SRPK2: variants seen among roughly 807,000 people sequenced by gnomAD.
SRPK2 encodes the protein SRSF protein kinase 2.
Under a neutral mutation model 90.8 loss-of-function variants are expected in SRPK2, and 21 were observed. The ratio of observed to expected loss-of-function variants is 0.23; its 90% confidence interval spans 0.16 to 0.33. The LOEUF (loss-of-function observed/expected upper bound fraction) is 0.33, where lower values mean the gene tolerates loss of function less well. Among genes scored for constraint, SRPK2 ranks in the 10% least tolerant of loss-of-function variants. The probability of loss-of-function intolerance (pLI) is 1.00; values close to 1 mark genes in which losing one functional copy is unlikely to be tolerated. For synonymous variants in SRPK2, 288 were observed against 311.1 expected (o/e 0.93, Z 0.78); for missense variants, 620 against 869.0 (o/e 0.71, Z 3.60).
At chr7:105,278,076 G>A (rs1157157133) in intron 2 of SRPK2, among the ~76,000 whole-genome samples, 1 of 152,166 alleles carries the variant, frequency 6.6e-6, no homozygotes, top group African/African-American at 2.4e-5. Context: ...AGCACTTTGG[G>A]AGGCTGAGGC....
At chr7:105,175,930 C>T (rs1160727406) in intron 3 of SRPK2, among the ~76,000 whole-genome samples, 2 of 151,946 alleles carry the variant, frequency 1.3e-5, no homozygotes, top group South Asian at 2.1e-4. Context: ...AAAAATACTA[C>T]AAATTCCTCC....
intron 3 of SRPK2, among the ~76,000 whole-genome samples, chr7:105,170,637 T>C (rs1790695076): frequency 6.7e-6 from 1 of 149,138 alleles, no homozygotes. Context: ...GAGGTTACAG[T>C]GAGCCAAGAT....
downstream of SRPK2, chr7:105,115,380 T>A (rs1406332811): frequency 6.6e-6 from 1 of 152,216 alleles, no homozygotes; most frequent in South Asian, 2.1e-4. Context: ...GAAGATCTTA[T>A]ATCCACCTTT....
chr7:105,257,737 A>C (rs1348050759), intron 2 of SRPK2, among the ~76,000 whole-genome samples: 1 of 152,146 alleles, frequency 6.6e-6, no homozygotes, highest in Non-Finnish European at 1.5e-5. Context: ...TTGCTGGTGG[A>C]GACACAAAGA....
chr7:105,389,675 G>C (rs1303310014), upstream of SRPK2, among the ~76,000 whole-genome samples: 1 of 152,164 alleles, frequency 6.6e-6, no homozygotes, highest in Non-Finnish European at 1.5e-5. Flanking sequence ...GTCCCAACGA[G>C]GTTAAAAAGT....
intron 3 of SRPK2, 23 bp downstream of exon 3, chr7:105,203,605 C>T (rs371584727): frequency 1.1e-5 from 16 of 1,464,092 alleles, no homozygotes; most frequent in Non-Finnish European, 1.4e-5. Context: ...GCAAGCCCCA[C>T]ACCACCATGC....
intron 2 of SRPK2, among the ~76,000 whole-genome samples, chr7:105,253,045 A>T (rs914955277): frequency 8.5e-5 from 13 of 152,160 alleles, no homozygotes; most frequent in Non-Finnish European, 1.6e-4. Context: ...GCCCGACCCA[A>T]GTTAGTATCT....
At chr7:105,220,283 A>G (rs1797936358) in intron 2 of SRPK2, among the ~76,000 whole-genome samples, 2 of 152,136 alleles carry the variant, frequency 1.3e-5, no homozygotes, top group Admixed American at 1.3e-4. Flanking sequence ...TCACACCTGT[A>G]ACCGGGAGGC....
At chr7:105,313,979 T>C (rs891329545) in intron 2 of SRPK2, among the ~76,000 whole-genome samples, 8 of 152,094 alleles carry the variant, frequency 5.3e-5, no homozygotes, top group African/African-American at 1.9e-4. Context: ...TAAATTAAAA[T>C]GACATCTATT....
At chr7:105,215,830 G>A (rs1397460657) in intron 2 of SRPK2, among the ~76,000 whole-genome samples, 2 of 152,138 alleles carry the variant, frequency 1.3e-5, no homozygotes, top group African/African-American at 4.8e-5. Flanking sequence ...TAAGGCTGGA[G>A]GGGTACAGAA....
chr7:105,325,551 C>CAA lies in SRPK2; in HGVS notation c.71+63095_71+63096dup, dbSNP rs34722293. Among the ~76,000 whole-genome samples the CAA allele has an allele frequency of 1.4e-4, 10 of 71,500 alleles. No individual in the cohort carries two copies. The South Asian group carries it at 4.0e-3, about 29-fold the overall frequency. The allele number at this position is 71,500 out of a possible 152,430, so 46.9% of individuals were successfully genotyped here. A position where few individuals can be genotyped will look rare whatever the true frequency, so the allele number is the denominator to read the frequency against. On this transcript the variant is annotated intron_variant, in intron 2 of 15. Transcript: ENST00000393651. ...ATCATTTTCCCCTAGTTTCTCAAGG[C>CAA]AAAAAAAAAAAAAAAAAAAAGTTCA...
chr7:105,278,743 GA>G, intron 2 of SRPK2, among the ~76,000 whole-genome samples: 1 of 151,518 alleles, frequency 6.6e-6, no homozygotes, highest in East Asian at 1.9e-4. Flanking sequence ...AAGGAAAGGG[GA>G]AAAGGGGAAG....
chr7:105,226,883 T>G (rs9640686), intron 2 of SRPK2, among the ~76,000 whole-genome samples: 109,503 of 151,748 alleles, frequency 0.72, 40,003 homozygotes, highest in African/African-American at 0.83. Context: ...CAGAGGTTGC[T>G]GTAAGCCGAG....
chr7:105,375,081 TA>T (rs1820133664), intron 2 of SRPK2, among the ~76,000 whole-genome samples: 1 of 152,220 alleles, frequency 6.6e-6, no homozygotes, highest in Admixed American at 6.5e-5. Context: ...CTGGTGAGAA[TA>T]TGAGTCATTT....
chr7:105,175,080 TGC>T (rs895504127), intron 3 of SRPK2, among the ~76,000 whole-genome samples: 7 of 151,214 alleles, frequency 4.6e-5, no homozygotes, highest in African/African-American at 1.7e-4. Context: ...AGGCAGAGGT[TGC>T]GGAGTCGAGA....
In SRPK2 at chr7:105,347,304, C is replaced by A. The variant is rs138769283; in HGVS notation, c.71+41344G>T. ...CTTAAACTCCTGGACTCAAGCAATCCTCCGGCTTCAGTCTCCCAAAGTGCT... is the reference window on the plus strand; with the variant it reads ...CTTAAACTCCTGGACTCAAGCAATCATCCGGCTTCAGTCTCCCAAAGTGCT... On this transcript the variant is annotated intron_variant, in intron 2 of 15. Coordinates refer to ENST00000393651, the MANE Select transcript of SRPK2 (RefSeq NM_182692.3). 1.7e-3 allele frequency among the ~76,000 whole-genome samples: 260 copies of A among 152,102 alleles called. 1 individual carries two copies. The highest frequency in any genetic ancestry group is 6.0e-3 in the African/African-American group (250 of 41,512).
chr7:105,134,094 T>C (rs569072312), intron 11 of SRPK2, among the ~76,000 whole-genome samples: 43 of 152,270 alleles, frequency 2.8e-4, no homozygotes, highest in Non-Finnish European at 5.4e-4. Flanking sequence ...ATTTACTGTA[T>C]AAGTAATTTT....
chr7:105,265,577 TCTAG>T (rs1268768231), intron 2 of SRPK2, among the ~76,000 whole-genome samples: 1 of 152,140 alleles, frequency 6.6e-6, no homozygotes, highest in Non-Finnish European at 1.5e-5. Flanking sequence ...CCAGAAGTGC[TCTAG>T]CTAAGAAAGG....
At chr7:105,149,537 T>C (rs1184526950) in intron 7 of SRPK2, among the ~76,000 whole-genome samples, 1 of 152,094 alleles carries the variant, frequency 6.6e-6, no homozygotes, top group East Asian at 1.9e-4. Context: ...CTTGGTATGC[T>C]GGGCGCCAGT....
Sources: allele counts gnomAD v4.1 joint callset (sites outside exome capture counted in the v4.1 genomes callset), GRCh38; gene constraint gnomAD v4.1.1; transcripts MANE v1.5; gene names NCBI Gene and HGNC (gene_info 2026-07-23, HGNC 2026-07-21).